The following ZNF461 variants were observed in gnomAD, a reference collection of about 807,000 sequenced individuals.
ZNF461 encodes the protein zinc finger protein 461, also known as gonadotropin-inducible ovarian transcription factor-1.
A neutral mutation model predicts 18.3 loss-of-function variants in ZNF461; 16 were observed. That is an observed-to-expected ratio of 0.88 (90% CI 0.59 to 1.33). ZNF461 has a LOEUF of 1.33. Among genes scored for constraint, ZNF461 ranks in the 40% most tolerant of loss-of-function variants. ZNF461 has a pLI of 0.00. For synonymous variants in ZNF461, 179 were observed against 216.9 expected (o/e 0.83, Z 1.54); for missense variants, 595 against 669.9 (o/e 0.89, Z 1.23).
At chr19:36,647,750 T>C (rs114077033) in intron 4 of ZNF461, among the ~76,000 whole-genome samples, 3,252 of 152,246 alleles carry the variant, frequency 0.021, 51 homozygotes, top group Middle Eastern at 0.054. Flanking sequence ...TCATGTGGAA[T>C]TGTAATCCCC....
At position 36,666,775 on chromosome 19, in the gene ZNF461, G is replaced by C. The variant is rs1023936927; in HGVS notation, c.-166C>G. On this transcript the variant is annotated 5_prime_UTR_variant, in exon 1 of 6. Coordinates refer to ENST00000588268, the MANE Select transcript of ZNF461 (RefSeq NM_153257.5). ...CACGCCCAGCTCTTCCTTCTCCACC[G>C]GCCCGGGACATCCTTACCTGCCTCT... 6 of 152,622 alleles carry C rather than the reference G, an allele frequency of 3.9e-5. No individual in the cohort carries two copies. Among genetic ancestry groups the C allele is most frequent in the Non-Finnish European group, 7.3e-5 (5 of 68,456 alleles). 9.5% of individuals were successfully genotyped at this position (152,622 alleles called of 1,614,324 possible).
chr19:36,640,105 A>G (rs2037398615), intron 5 of ZNF461, 62 bp from the exon 6 acceptor site: 14 of 1,362,340 alleles, frequency 1.0e-5, no homozygotes, highest in African/African-American at 1.5e-5. Context: ...TAAAATATCT[A>G]TGGTAGCAAT....
chr19:36,655,634 T>C lies in ZNF461; in HGVS notation c.232+814A>G, dbSNP rs528311276. ...AACAAACAAAAATTAATAAACACTA[T>C]AGATTGTGTCCTTTGATGTACAGAA... On this transcript the variant is annotated intron_variant, in intron 4 of 5. Coordinates refer to ENST00000588268, the MANE Select transcript of ZNF461 (RefSeq NM_153257.5). Among the ~76,000 whole-genome samples the C allele has an allele frequency of 3.3e-5, 5 of 152,204 alleles. No homozygotes were observed. In the South Asian group the frequency reaches 1.0e-3, roughly 32 times the overall value.
At chr19:36,655,580 G>C (rs1247261775) in intron 4 of ZNF461, among the ~76,000 whole-genome samples, 4 of 152,152 alleles carry the variant, frequency 2.6e-5, no homozygotes, top group African/African-American at 9.6e-5. Context: ...TCCAGCCTGA[G>C]TGACAGAGTG....
At chr19:36,641,363 A>T (rs1394324253) in intron 5 of ZNF461, among the ~76,000 whole-genome samples, 1 of 151,984 alleles carries the variant, frequency 6.6e-6, no homozygotes. Flanking sequence ...TACTAAAAAT[A>T]CAAAAATTAG....
chr19:36,666,256 G>T (rs570001320), intron 1 of ZNF461, among the ~76,000 whole-genome samples: 6 of 151,800 alleles, frequency 4.0e-5, no homozygotes, highest in Non-Finnish European at 5.9e-5. Flanking sequence ...CACCATACCC[G>T]GCTAATTTTG....
At chr19:36,641,066 A>G (rs2037414966) in intron 5 of ZNF461, among the ~76,000 whole-genome samples, 1 of 152,164 alleles carries the variant, frequency 6.6e-6, no homozygotes. Flanking sequence ...AGCTTCTTCC[A>G]TGTGCTAAGA....
Position 36,638,518 on chromosome 19 carries a change from T to A in ZNF461, c.*135A>T. On this transcript the variant is annotated 3_prime_UTR_variant, in exon 6 of 6. Transcript: ENST00000588268. ...TAAAATGAGACCAAAATTTACACTTTAGTTATCCACTTTCTCACTTAAAAA... is the reference window on the plus strand; with the variant it reads ...TAAAATGAGACCAAAATTTACACTTAAGTTATCCACTTTCTCACTTAAAAA... 4 of 678,054 alleles carry A rather than the reference T, an allele frequency of 5.9e-6. No individual in the cohort carries two copies. The highest frequency in any genetic ancestry group is 9.3e-6 in the Non-Finnish European group (4 of 431,158). 42.0% of individuals were successfully genotyped at this position (678,054 alleles called of 1,614,324 possible). A position where few individuals can be genotyped will look rare whatever the true frequency, so the allele number is the denominator to read the frequency against.
At chr19:36,641,244 G>A (rs1019544577) in intron 5 of ZNF461, among the ~76,000 whole-genome samples, 1 of 152,086 alleles carries the variant, frequency 6.6e-6, no homozygotes, top group Non-Finnish European at 1.5e-5. Context: ...ATTTGGCCAG[G>A]CATGGTGGCT....
At chr19:36,649,169 A>T (rs2037581340) in intron 4 of ZNF461, among the ~76,000 whole-genome samples, 1 of 152,200 alleles carries the variant, frequency 6.6e-6, no homozygotes, top group Non-Finnish European at 1.5e-5. Context: ...TCATACCAAA[A>T]ACCAAGAAAA....
In ZNF461 at chr19:36,638,653, T is replaced by G; in HGVS notation, c.1692A>C (p.Ter564CysextTer33). ...CAATGTATATTTCCATCAACAAATT[T>G]CATGATGCTAGACTAGGATGGGGAG... ...LLPPHPSLAS[*>C] The change falls in exon 6 of 6, where the codon TGA becomes TGC. Residue 564 changes from the stop codon to cysteine (C), a stop_lost. Coordinates refer to ENST00000588268, the MANE Select transcript of ZNF461 (RefSeq NM_153257.5). The G allele has an allele frequency of 6.3e-7, 1 of 1,581,692 alleles. No homozygotes were observed. Among genetic ancestry groups the G allele is most frequent in the African/African-American group, 1.4e-5 (1 of 73,552 alleles).
chr19:36,656,199 G>A (rs185055119), intron 4 of ZNF461, among the ~76,000 whole-genome samples: 30 of 151,830 alleles, frequency 2.0e-4, no homozygotes, highest in Admixed American at 4.6e-4. Context: ...GGGTTTCACC[G>A]TGGTCTCGAT....
At chr19:36,649,594 G>A (rs1190604918) in intron 4 of ZNF461, among the ~76,000 whole-genome samples, 1 of 152,266 alleles carries the variant, frequency 6.6e-6, no homozygotes, top group Admixed American at 6.5e-5. Context: ...GCCTCCCAAA[G>A]TGCTGGGATT....
In ZNF461 at chr19:36,643,973, C is replaced by T. The variant is rs1000317511; in HGVS notation, c.233-111G>A. ...TTTAGACAGAGTTTCGCTCTTGTTG[C>T]CCAAGCTGGAGTGCAATCACACAAT... is the stretch of plus-strand genomic sequence containing the variant. On this transcript the variant is annotated intron_variant, in intron 4 of 5. Transcript: ENST00000588268. 53 of 921,626 alleles carry T rather than the reference C, an allele frequency of 5.8e-5. No homozygotes were observed. In the African/African-American group the frequency reaches 9.2e-4, roughly 16 times the overall value. The allele number at this position is 921,626 out of a possible 1,614,324, so 57.1% of individuals were successfully genotyped here. A position where few individuals can be genotyped will look rare whatever the true frequency, so the allele number is the denominator to read the frequency against.
intron 2 of ZNF461, among the ~76,000 whole-genome samples, chr19:36,660,595 C>T (rs965067355): frequency 1.3e-5 from 2 of 151,992 alleles, no homozygotes. Context: ...TACTACTAAT[C>T]TTTATTTTCA....
Position 36,664,773 on chromosome 19 carries a change from C to A in ZNF461, c.-67G>T. On this transcript the variant is annotated 5_prime_UTR_variant, in exon 2 of 6. Transcript: ENST00000588268. ...CGTTCCCTCTGGAAGAAACTCAATC[C>A]AAAGAAGGTGTTGCTGGGAGAGAGG... The A allele has an allele frequency of 1.6e-6, 2 of 1,274,366 alleles. No individual in the cohort carries two copies. Among genetic ancestry groups the A allele is most frequent in the Non-Finnish European group, 1.0e-6 (1 of 959,244 alleles). The allele number at this position is 1,274,366 out of a possible 1,614,324, so 78.9% of individuals were successfully genotyped here. A position where few individuals can be genotyped will look rare whatever the true frequency, so the allele number is the denominator to read the frequency against.
chr19:36,641,269 C>T (rs1428822536), intron 5 of ZNF461, among the ~76,000 whole-genome samples: 1 of 151,936 alleles, frequency 6.6e-6, no homozygotes, highest in African/African-American at 2.4e-5. Flanking sequence ...CCTGTAATCC[C>T]AGAACTTTGG....
intron 5 of ZNF461, among the ~76,000 whole-genome samples, chr19:36,640,393 G>A (rs1476189899): frequency 6.6e-6 from 1 of 152,132 alleles, no homozygotes; most frequent in African/African-American, 2.4e-5. Context: ...AACACTATCA[G>A]GCCAAAGGTT....
At chr19:36,661,419 T>C (rs1163294494) in intron 2 of ZNF461, among the ~76,000 whole-genome samples, 2 of 151,938 alleles carry the variant, frequency 1.3e-5, no homozygotes, top group African/African-American at 2.4e-5. Context: ...AATAATCCTA[T>C]AGTGACGATA....
Sources: allele counts gnomAD v4.1 joint callset (sites outside exome capture counted in the v4.1 genomes callset), GRCh38; gene constraint gnomAD v4.1.1; transcripts MANE v1.5; gene names NCBI Gene and HGNC (gene_info 2026-07-23, HGNC 2026-07-21).